Variants in LYN observed in about 807,000 individuals in gnomAD.
The protein encoded by LYN is LYN proto-oncogene, Src family tyrosine kinase.
Under a neutral mutation model 65.0 loss-of-function variants are expected in LYN, and 12 were observed. The observed-to-expected ratio is 0.18, with a 90% CI of 0.12 to 0.30. The LOEUF (loss-of-function observed/expected upper bound fraction) is 0.30. Among genes scored for constraint, LYN ranks in the 10% least tolerant of loss-of-function variants. The pLI is 1.00. For missense variants in LYN, 380 were observed against 623.2 expected, an observed-to-expected ratio of 0.61 and a Z score of 4.16; for synonymous variants, 222 against 221.2, an observed-to-expected ratio of 1.00 and a Z score of -0.03.
At chr8:55,893,163 T>C (rs954088854) in intron 1 of LYN, among the ~76,000 whole-genome samples, 6 of 152,256 alleles carry the variant, frequency 3.9e-5, no homozygotes, top group Non-Finnish European at 7.3e-5. Flanking sequence ...TGTTTTACCC[T>C]GGCGATTCAG....
intron 1 of LYN, among the ~76,000 whole-genome samples, chr8:55,927,474 A>C (rs1405613003): frequency 6.6e-6 from 1 of 152,168 alleles, no homozygotes; most frequent in Non-Finnish European, 1.5e-5. Context: ...TAAAATGGAT[A>C]AATATTTTAT....
chr8:56,004,472 T>C (rs1808621814), intron 12 of LYN, among the ~76,000 whole-genome samples: 1 of 151,614 alleles, frequency 6.6e-6, no homozygotes, highest in Non-Finnish European at 1.5e-5. Context: ...TTTTGTATTT[T>C]TAGTAGAGAC....
intron 1 of LYN, among the ~76,000 whole-genome samples, chr8:55,927,784 C>T (rs1385819285): frequency 6.6e-6 from 1 of 151,810 alleles, no homozygotes; most frequent in African/African-American, 2.4e-5. Context: ...TACAGTGAGC[C>T]AAGATCACAC....
intron 8 of LYN, among the ~76,000 whole-genome samples, chr8:55,958,015 G>A (rs1160170942): frequency 6.6e-6 from 1 of 152,156 alleles, no homozygotes; most frequent in Non-Finnish European, 1.5e-5. Context: ...GCTGCTGTCA[G>A]CTGTGGTGTC....
At chr8:55,882,224 A>C (rs996693605) in intron 1 of LYN, among the ~76,000 whole-genome samples, 11 of 152,176 alleles carry the variant, frequency 7.2e-5, no homozygotes, top group Admixed American at 1.3e-4. Context: ...GAAGACCTAC[A>C]TTATTTTAGA....
intron 1 of LYN, among the ~76,000 whole-genome samples, chr8:55,898,566 G>C (rs1323045552): frequency 1.3e-5 from 2 of 152,158 alleles, no homozygotes; most frequent in Non-Finnish European, 2.9e-5. Flanking sequence ...TGAGATTACA[G>C]GTGTGAGCCA....
At chr8:55,888,723 C>T (rs559712177) in intron 1 of LYN, among the ~76,000 whole-genome samples, 2 of 152,156 alleles carry the variant, frequency 1.3e-5, no homozygotes, top group Non-Finnish European at 2.9e-5. Context: ...GTAATGGGCA[C>T]AATCCTTGGT....
At chr8:55,881,853 A>G (rs1804661391) in intron 1 of LYN, among the ~76,000 whole-genome samples, 1 of 152,204 alleles carries the variant, frequency 6.6e-6, no homozygotes, top group African/African-American at 2.4e-5. Flanking sequence ...TGTCTTGTCC[A>G]AAATGATAGC....
In LYN at chr8:55,961,629, G is replaced by T. The variant is rs547320327; in HGVS notation, c.791-5086G>T. ...GACTTCCCCCCTAACCTTGGAAAGC[G>T]TTTTTTTTCCTTCGTCCTTTACTCA... On this transcript the variant is annotated intron_variant, in intron 8 of 12. Coordinates refer to ENST00000519728, the MANE Select transcript of LYN (RefSeq NM_002350.4). Among the ~76,000 whole-genome samples the T allele has an allele frequency of 2.6e-5, 4 of 151,780 alleles. No individual in the cohort carries two copies. In the South Asian group the frequency reaches 8.3e-4, roughly 32 times the overall value.
intron 10 of LYN, among the ~76,000 whole-genome samples, chr8:55,979,048 TTC>T (rs2130547670): frequency 8.1e-6 from 1 of 123,762 alleles, no homozygotes; most frequent in African/African-American, 3.1e-5. Flanking sequence ...GCACTTCTCA[TTC>T]TTTTTTTTTT....
At chr8:56,008,131 A>T (rs958728674) in intron 12 of LYN, among the ~76,000 whole-genome samples, 7 of 144,308 alleles carry the variant, frequency 4.9e-5, no homozygotes, top group East Asian at 4.0e-4. Context: ...AAAAAAAATA[A>T]AATAAAATAA....
At chr8:55,969,823 G>C (rs141691984) in intron 10 of LYN, 30 bp downstream of exon 10, 2 of 1,591,302 alleles carry the variant, frequency 1.3e-6, no homozygotes, top group Non-Finnish European at 1.7e-6. Context: ...CCGTGTGCAC[G>C]TGCATTTGCA....
At chr8:55,949,739 C>T (rs940482235) in intron 4 of LYN, among the ~76,000 whole-genome samples, 1 of 151,596 alleles carries the variant, frequency 6.6e-6, no homozygotes, top group Non-Finnish European at 1.5e-5. Flanking sequence ...TTTTCTTTGT[C>T]TCTCTCTCTC....
chr8:55,922,043 A>G (rs756543881), intron 1 of LYN, among the ~76,000 whole-genome samples: 3 of 152,286 alleles, frequency 2.0e-5, no homozygotes, highest in Non-Finnish European at 1.5e-5. Flanking sequence ...AGGGAAGCAT[A>G]AGGAAAGGAG....
chr8:55,885,219 G>A (rs941587311), intron 1 of LYN, among the ~76,000 whole-genome samples: 5 of 152,174 alleles, frequency 3.3e-5, no homozygotes, highest in South Asian at 2.1e-4. Context: ...CATGAATCGG[G>A]ATACATTTAA....
At chr8:55,969,643 T>G in intron 9 of LYN, 74 bp from the exon 10 acceptor site, 1 of 1,075,048 alleles carries the variant, frequency 9.3e-7, no homozygotes, top group Non-Finnish European at 1.5e-6. Context: ...GTAATAGTAA[T>G]GATGATGTGA....
chr8:55,998,354 G>C lies in LYN; in HGVS notation c.1059G>C (p.Glu353Asp). The change falls in exon 11 of 13, where the codon GAG (glutamate) becomes GAC (aspartate). Residue 353 changes from glutamate (E) to aspartate (D), a missense_variant. Around this residue, in one of 2 missense-constraint regions of LYN, gnomAD observed 223 missense variants for 430.0 expected, o/e 0.52. Coordinates refer to ENST00000519728, the MANE Select transcript of LYN (RefSeq NM_002350.4). Reference protein sequence around the residue: ...KLIDFSAQIAEGMAYIERKNY... With the variant: ...KLIDFSAQIADGMAYIERKNY... ...CCTATTTCTGTTTTCAGATTGCAGAGGGAATGGCATACATCGAGCGGAAGA... is the reference window on the plus strand; with the variant it reads ...CCTATTTCTGTTTTCAGATTGCAGACGGAATGGCATACATCGAGCGGAAGA... 1.2e-6 allele frequency: 2 copies of C among 1,607,162 alleles called. No homozygotes were observed. Among genetic ancestry groups the C allele is most frequent in the Non-Finnish European group, 1.7e-6 (2 of 1,173,992 alleles).
intron 8 of LYN, among the ~76,000 whole-genome samples, chr8:55,962,034 AC>A (rs1196703730): frequency 6.6e-6 from 1 of 152,226 alleles, no homozygotes; most frequent in Non-Finnish European, 1.5e-5. Context: ...CTTTGTATGA[AC>A]GAATTATACC....
Position 55,919,443 on chromosome 8 carries a change from A to G in LYN, c.-5-22412A>G, listed in dbSNP as rs1306905836. ...GAAATAATGGAATAGAATACGCTTC[A>G]CTGCCGGGTCTGGAAACCCTCCCTC... On this transcript the variant is annotated intron_variant, in intron 1 of 12. Transcript: ENST00000519728. Among the ~76,000 whole-genome samples the G allele has an allele frequency of 2.6e-5, 4 of 152,330 alleles. No homozygotes were observed. In the East Asian group the frequency reaches 5.8e-4, roughly 22 times the overall value.
Sources: allele counts gnomAD v4.1 joint callset (sites outside exome capture counted in the v4.1 genomes callset), GRCh38; gene constraint gnomAD v4.1.1; regional missense constraint gnomAD v4.1.1; transcripts MANE v1.5; gene names NCBI Gene and HGNC (gene_info 2026-07-23, HGNC 2026-07-21).